WWC2: variants seen among roughly 807,000 people sequenced by gnomAD.
The protein encoded by WWC2 is protein WWC2.
A neutral mutation model predicts 138.5 loss-of-function variants in WWC2; 101 were observed. The observed-to-expected ratio is 0.73, with a 90% CI of 0.62 to 0.86. The LOEUF is 0.86. WWC2 is among the 40% of genes least tolerant of loss of function. The pLI is 0.00. For missense variants in WWC2, 1,420 were observed against 1,419.4 expected (o/e 1.00, Z -0.01); for synonymous variants, 558 against 538.4 (o/e 1.04, Z -0.50).
At chr4:183,118,051 GC>G (rs1290845921) in intron 1 of WWC2, among the ~76,000 whole-genome samples, 3 of 152,132 alleles carry the variant, frequency 2.0e-5, no homozygotes, top group African/African-American at 7.2e-5. Flanking sequence ...ACCCACCTTG[GC>G]CTCCCAAAGT....
chr4:183,259,568 G>A (rs1026399787), intron 9 of WWC2, 71 bp from the exon 10 acceptor site: 2 of 1,179,906 alleles, frequency 1.7e-6, no homozygotes, highest in African/African-American at 3.1e-5. Context: ...TTTGTACAAT[G>A]AGAATCTTTC....
chr4:183,230,679 TA>T (rs1299277216), intron 4 of WWC2, among the ~76,000 whole-genome samples: 202 of 141,820 alleles, frequency 1.4e-3, no homozygotes, highest in Non-Finnish European at 1.5e-3. Flanking sequence ...AAACTCTGTC[TA>T]AAAAAAAAAA....
chr4:183,232,368 A>G (rs1299151103), intron 4 of WWC2, among the ~76,000 whole-genome samples: 3 of 152,090 alleles, frequency 2.0e-5, no homozygotes, highest in African/African-American at 7.2e-5. Flanking sequence ...ACTGTAGGAC[A>G]TTTTTGCCCT....
intron 1 of WWC2, among the ~76,000 whole-genome samples, chr4:183,105,411 GA>G (rs757997736): frequency 2.0e-5 from 3 of 152,166 alleles, no homozygotes; most frequent in Non-Finnish European, 2.9e-5. Flanking sequence ...TTGTCTGTAG[GA>G]AAATGAGATT....
At chr4:183,106,819 C>T (rs1216825148) in intron 1 of WWC2, among the ~76,000 whole-genome samples, 2 of 151,838 alleles carry the variant, frequency 1.3e-5, no homozygotes, top group Non-Finnish European at 2.9e-5. Context: ...TTTGTACTTT[C>T]ATTAGCTGAT....
chr4:183,310,637 A>AC lies in WWC2; in HGVS notation c.3385-1702dup, dbSNP rs1276778796. The stretch of plus-strand genomic sequence containing the variant: ...CACCTCAGCCTCCTGAGTAGTTGGG[A>AC]CCACAGGCACATGCCACCACACCTA... On this transcript the variant is annotated intron_variant, in intron 21 of 22. Coordinates refer to ENST00000403733, the MANE Select transcript of WWC2 (RefSeq NM_024949.6). Among the ~76,000 whole-genome samples the AC allele has an allele frequency of 2.7e-5, 4 of 148,194 alleles. No individual in the cohort carries two copies. The East Asian group carries it at 7.9e-4, about 29-fold the overall frequency.
In WWC2 at chr4:183,145,267, A is replaced by G. The variant is rs1025485160; in HGVS notation, c.131+45645A>G. Among the ~76,000 whole-genome samples the G allele has an allele frequency of 2.6e-5, 4 of 152,224 alleles. No homozygotes were observed. The South Asian group carries it at 8.3e-4, about 32-fold the overall frequency. ...ATAACAACTGCCTCATAGTAAGTGA[A>G]TATAAATGGCATTTAAAAAGAATAT... On this transcript the variant is annotated intron_variant, in intron 1 of 22. Transcript: ENST00000403733.
intron 21 of WWC2, among the ~76,000 whole-genome samples, chr4:183,304,104 T>TA (rs1244539751): frequency 6.6e-6 from 1 of 152,014 alleles, no homozygotes; most frequent in Non-Finnish European, 1.5e-5. Flanking sequence ...TAACAGCAAG[T>TA]AAAAAAATTG....
intron 4 of WWC2, among the ~76,000 whole-genome samples, chr4:183,227,286 C>T (rs1330626525): frequency 6.6e-6 from 1 of 152,094 alleles, no homozygotes; most frequent in Non-Finnish European, 1.5e-5. Flanking sequence ...AAGCTAAACA[C>T]TTAGCTGTGA....
At chr4:183,143,774 C>G (rs534500966) in intron 1 of WWC2, among the ~76,000 whole-genome samples, 3 of 152,104 alleles carry the variant, frequency 2.0e-5, no homozygotes, top group African/African-American at 7.2e-5. Context: ...TGCTACTATA[C>G]TCTAGCCTGG....
At position 183,184,750 on chromosome 4, in the gene WWC2, G is replaced by A. The variant is rs149494946; in HGVS notation, c.132-8849G>A. Among the ~76,000 whole-genome samples, 918 of 152,216 alleles carry A rather than the reference G, an allele frequency of 6.0e-3. 15 individuals carry two copies. The highest frequency in any genetic ancestry group is 0.021 in the African/African-American group (864 of 41,518). ...ATAATAACTAATGATGTTGAGTACT[G>A]TTACTATTTTTATATAAGTTAGAAA... On this transcript the variant is annotated intron_variant, in intron 1 of 22. Coordinates refer to ENST00000403733, the MANE Select transcript of WWC2 (RefSeq NM_024949.6).
intron 4 of WWC2, among the ~76,000 whole-genome samples, chr4:183,231,563 C>A (rs528161349): frequency 6.6e-6 from 1 of 152,090 alleles, no homozygotes; most frequent in Admixed American, 6.5e-5. Flanking sequence ...AGTCACCATG[C>A]CCGTCCCAGA....
At chr4:183,307,191 A>G (rs1739050590) in intron 21 of WWC2, among the ~76,000 whole-genome samples, 1 of 152,226 alleles carries the variant, frequency 6.6e-6, no homozygotes, top group African/African-American at 2.4e-5. Flanking sequence ...TAGCTGGAAA[A>G]TTCCAAAATA....
intron 1 of WWC2, among the ~76,000 whole-genome samples, chr4:183,151,561 A>G (rs1733635602): frequency 6.6e-6 from 1 of 152,176 alleles, no homozygotes; most frequent in Non-Finnish European, 1.5e-5. Flanking sequence ...CCGTTTGTCA[A>G]TTTTGGCTTT....
chr4:183,315,347 A>G (rs1035641806), intron 22 of WWC2, among the ~76,000 whole-genome samples: 1 of 152,090 alleles, frequency 6.6e-6, no homozygotes, highest in Non-Finnish European at 1.5e-5. Context: ...TCTGCTACCT[A>G]GTTCGGAAAC....
At chr4:183,292,789 CTAGA>C (rs1738499844) in intron 21 of WWC2, among the ~76,000 whole-genome samples, 1 of 152,116 alleles carries the variant, frequency 6.6e-6, no homozygotes, top group African/African-American at 2.4e-5. Flanking sequence ...AATGCCAACA[CTAGA>C]TAAAGATTCT....
intron 1 of WWC2, among the ~76,000 whole-genome samples, chr4:183,101,431 G>A (rs1010220823): frequency 1.3e-5 from 2 of 152,042 alleles, no homozygotes; most frequent in African/African-American, 4.8e-5. Flanking sequence ...CATTGGATAG[G>A]GACAAATAGT....
At chr4:183,302,870 C>T (rs1738900264) in intron 21 of WWC2, among the ~76,000 whole-genome samples, 1 of 152,014 alleles carries the variant, frequency 6.6e-6, no homozygotes, top group Admixed American at 6.6e-5. Context: ...TCAAGACCAG[C>T]CTGGACAACA....
chr4:183,228,711 T>A (rs1395901589), intron 4 of WWC2, among the ~76,000 whole-genome samples: 1 of 152,040 alleles, frequency 6.6e-6, no homozygotes, highest in Non-Finnish European at 1.5e-5. Context: ...GCTGGAACTC[T>A]TTACTGCTGG....
Sources: allele counts gnomAD v4.1 joint callset (sites outside exome capture counted in the v4.1 genomes callset), GRCh38; gene constraint gnomAD v4.1.1; transcripts MANE v1.5; gene names NCBI Gene and HGNC (gene_info 2026-07-23, HGNC 2026-07-21).